The following SLC35F1 variants were observed in gnomAD, a reference collection of about 807,000 sequenced individuals.
SLC35F1 encodes chromosome 6 open reading frame 169.
A neutral mutation model predicts 48.7 loss-of-function variants in SLC35F1; 14 were observed. That is an observed-to-expected ratio of 0.29 (90% CI 0.19 to 0.45). The LOEUF is 0.45. SLC35F1 is among the 20% of genes least tolerant of loss of function. The pLI, the probability that SLC35F1 is intolerant of heterozygous loss-of-function variation, is 1.00. For synonymous variants in SLC35F1, 190 were observed against 202.2 expected (o/e 0.94, Z 0.51); for missense variants, 404 against 500.0 (o/e 0.81, Z 1.83).
chr6:118,232,268 T>C (rs1404177263), intron 2 of SLC35F1, among the ~76,000 whole-genome samples: 1 of 152,040 alleles, frequency 6.6e-6, no homozygotes, highest in Non-Finnish European at 1.5e-5. Context: ...ATAAAGGGTG[T>C]TGACTGGGCA....
chr6:118,066,760 T>G (rs1030474324), intron 1 of SLC35F1, among the ~76,000 whole-genome samples: 2 of 150,448 alleles, frequency 1.3e-5, no homozygotes, highest in Non-Finnish European at 3.0e-5. Flanking sequence ...TTTTTTTTTT[T>G]CTTGAGACAG....
chr6:118,152,287 G>A (rs1030751924), intron 1 of SLC35F1, among the ~76,000 whole-genome samples: 4 of 152,202 alleles, frequency 2.6e-5, no homozygotes, highest in African/African-American at 9.7e-5. Flanking sequence ...GGCTGAAAGT[G>A]CTTCATGGAG....
At position 118,291,014 on chromosome 6, in the gene SLC35F1, C is replaced by T. The variant is rs145867370; in HGVS notation, c.1002+5676C>T. Among the ~76,000 whole-genome samples the T allele has an allele frequency of 2.6e-3, 392 of 152,044 alleles. 20 individuals are homozygous for T. In the East Asian group the frequency reaches 0.071, roughly 27 times the overall value. On this transcript the variant is annotated intron_variant, in intron 7 of 7. Coordinates refer to ENST00000360388, the MANE Select transcript of SLC35F1 (RefSeq NM_001029858.4). ...TTCACTATGTTGGCCAGCCTGGTCT[C>T]GACCTCCTGACCTCATGATCCGCCC...
In SLC35F1 at chr6:118,261,584, C is replaced by T. The variant is rs771248094; in HGVS notation, c.478-5411C>T. Among the ~76,000 whole-genome samples, 7 of 152,128 alleles carry T rather than the reference C, an allele frequency of 4.6e-5. No homozygotes were observed. The South Asian group carries it at 6.2e-4, about 13-fold the overall frequency. ...GGCTGGGGCTTTGGGCTTTGGTAAA[C>T]GCTCAATAAATGTCAGCTGAATGAA... is the stretch of plus-strand genomic sequence containing the variant. On this transcript the variant is annotated intron_variant, in intron 3 of 7. Transcript: ENST00000360388.
intron 1 of SLC35F1, among the ~76,000 whole-genome samples, chr6:117,913,498 A>G (rs1486933546): frequency 6.6e-6 from 1 of 152,222 alleles, no homozygotes; most frequent in African/African-American, 2.4e-5. Flanking sequence ...AATGCTTCCC[A>G]GTGTCTAGAT....
intron 2 of SLC35F1, among the ~76,000 whole-genome samples, chr6:118,177,566 T>C (rs895553106): frequency 2.0e-5 from 3 of 152,080 alleles, no homozygotes; most frequent in Admixed American, 1.3e-4. Flanking sequence ...GCCAGAACCT[T>C]GGGCGGGGAC....
intron 7 of SLC35F1, among the ~76,000 whole-genome samples, chr6:118,308,167 C>G (rs940640935): frequency 6.6e-6 from 1 of 152,198 alleles, no homozygotes; most frequent in Non-Finnish European, 1.5e-5. Context: ...TAAAACTACT[C>G]TGGTACCCAG....
At chr6:117,933,418 T>A (rs975293211) in intron 1 of SLC35F1, among the ~76,000 whole-genome samples, 11 of 152,150 alleles carry the variant, frequency 7.2e-5, no homozygotes, top group African/African-American at 2.4e-4. Flanking sequence ...ATAAAGAGGG[T>A]ATACCACACT....
At chr6:118,212,782 G>GGAAGGAAGGAAA (rs1217088045) in intron 2 of SLC35F1, among the ~76,000 whole-genome samples, 1 of 141,208 alleles carries the variant, frequency 7.1e-6, no homozygotes, top group African/African-American at 2.8e-5. Context: ...AAGGAAGGAA[G>GGAAGGAAGGAAA]GAAGGAAGGA....
At chr6:118,193,347 G>A (rs1052800813) in intron 2 of SLC35F1, among the ~76,000 whole-genome samples, 2 of 152,064 alleles carry the variant, frequency 1.3e-5, no homozygotes, top group Non-Finnish European at 2.9e-5. Flanking sequence ...ACCCTGTTGT[G>A]CTCTTATTCC....
chr6:118,094,426 G>C (rs1366382488), intron 1 of SLC35F1, among the ~76,000 whole-genome samples: 1 of 152,178 alleles, frequency 6.6e-6, no homozygotes, highest in African/African-American at 2.4e-5. Context: ...AGAGAAAGTA[G>C]TATTGAAAGT....
At chr6:118,204,322 C>T (rs755451855) in intron 2 of SLC35F1, among the ~76,000 whole-genome samples, 1 of 152,094 alleles carries the variant, frequency 6.6e-6, no homozygotes, top group Admixed American at 6.5e-5. Flanking sequence ...CAAAAGTGGG[C>T]CAGACCATGT....
At chr6:117,918,746 C>G (rs1423391180) in intron 1 of SLC35F1, among the ~76,000 whole-genome samples, 1 of 152,062 alleles carries the variant, frequency 6.6e-6, no homozygotes, top group African/African-American at 2.4e-5. Flanking sequence ...AAGATGAACT[C>G]AGATCTGTGC....
At chr6:118,146,166 T>A (rs1374705227) in intron 1 of SLC35F1, among the ~76,000 whole-genome samples, 2 of 152,190 alleles carry the variant, frequency 1.3e-5, no homozygotes, top group African/African-American at 4.8e-5. Flanking sequence ...AAGAGATATC[T>A]GGTCTTCAAT....
chr6:117,933,145 T>C (rs1279539353), intron 1 of SLC35F1, among the ~76,000 whole-genome samples: 2 of 152,204 alleles, frequency 1.3e-5, no homozygotes, highest in Non-Finnish European at 2.9e-5. Context: ...TACTACTGAA[T>C]TGATTCCTTT....
chr6:118,103,224 T>C (rs1244437411), intron 1 of SLC35F1, among the ~76,000 whole-genome samples: 10 of 152,020 alleles, frequency 6.6e-5, no homozygotes, highest in Admixed American at 6.6e-4. Flanking sequence ...GACCTCCTGC[T>C]TCGAGGATCC....
chr6:117,951,726 C>T (rs1241615482), intron 1 of SLC35F1, among the ~76,000 whole-genome samples: 3 of 152,122 alleles, frequency 2.0e-5, no homozygotes, highest in African/African-American at 7.2e-5. Context: ...GGGGAAAGAG[C>T]CCTGTGCAAA....
rs138924845 is a variant in SLC35F1, at chr6:118,034,454, A to G, written c.174-119991A>G. ...ATGCCTGTAATCCCAGCTATTCAGG[A>G]GGCTGAGGAAGAAGAATCGCTTGAA... On this transcript the variant is annotated intron_variant, in intron 1 of 7. Transcript: ENST00000360388. Among the ~76,000 whole-genome samples, 736 of 152,224 alleles carry G rather than the reference A, an allele frequency of 4.8e-3. 5 individuals carry two copies. The highest frequency in any genetic ancestry group is 0.017 in the African/African-American group (694 of 41,516).
rs1776819636 is a variant in SLC35F1 at position 117,984,255 on chromosome 6, GA to G, written c.173+76363del. On this transcript the variant is annotated intron_variant, in intron 1 of 7. Transcript: ENST00000360388. ...ATTGTTTTCACAATTTTAAATGGAT[GA>G]AAAAAATCAAAAGAAATAAGCAGGC... Among the ~76,000 whole-genome samples the G allele has an allele frequency of 2.0e-5, 3 of 152,064 alleles. No homozygotes were observed. In the South Asian group the frequency reaches 6.2e-4, roughly 32 times the overall value.
Sources: allele counts gnomAD v4.1 joint callset (sites outside exome capture counted in the v4.1 genomes callset), GRCh38; gene constraint gnomAD v4.1.1; transcripts MANE v1.5; gene names NCBI Gene and HGNC (gene_info 2026-07-23, HGNC 2026-07-21).